Variants in SMC6 observed in about 807,000 individuals in gnomAD.
SMC6 encodes structural maintenance of chromosomes protein 6.
SMC6 carries 79 observed loss-of-function variants against 142.2 expected under a neutral mutation model. The ratio of observed to expected loss-of-function variants is 0.56; its 90% confidence interval spans 0.46 to 0.67. The LOEUF (loss-of-function observed/expected upper bound fraction) is 0.67, where lower values mean the gene tolerates loss of function less well. Among genes scored for constraint, SMC6 ranks in the 30% least tolerant of loss-of-function variants. The pLI, the probability that SMC6 is intolerant of heterozygous loss-of-function variation, is 0.00. For synonymous variants in SMC6, 411 were observed against 412.4 expected (o/e 1.00, Z 0.04); for missense variants, 1,072 against 1,284.0 (o/e 0.83, Z 2.52).
intron 17 of SMC6, among the ~76,000 whole-genome samples, chr2:17,707,999 C>T (rs4547532): frequency 2.0e-3 from 75 of 38,410 alleles, no homozygotes; most frequent in African/African-American, 0.016. Flanking sequence ...TATATATATA[C>T]ACACACACAC....
At chr2:17,673,035 TGA>T (rs1033194066) in intron 25 of SMC6, among the ~76,000 whole-genome samples, 21 of 152,294 alleles carry the variant, frequency 1.4e-4, no homozygotes, top group African/African-American at 5.1e-4. Flanking sequence ...AAGCAATATA[TGA>T]GAGTTGCAAT....
At chr2:17,707,457 C>T (rs1012993193) in intron 17 of SMC6, 78 bp from the exon 18 acceptor site, 9 of 839,176 alleles carry the variant, frequency 1.1e-5, no homozygotes, top group Non-Finnish European at 1.2e-5. Context: ...AAATGTTACT[C>T]GTCCTTATTA....
Position 17,738,238 on chromosome 2 carries a change from A to G in SMC6, c.327T>C (p.Phe109=). The G allele has an allele frequency of 1.2e-6, 2 of 1,612,886 alleles. No individual in the cohort carries two copies. The highest frequency in any genetic ancestry group is 1.7e-6 in the Non-Finnish European group (2 of 1,179,456). The change falls in exon 5 of 28, where the codon TTT becomes TTC. Residue 109 remains phenylalanine, a synonymous_variant. Coordinates refer to ENST00000448223, the MANE Select transcript of SMC6 (RefSeq NM_001142286.2). The part of the protein sequence containing the change: ...ATNRGSSLKG[F]VKDGQNSADI... ...ACACTTACTTCTGTCCATCTTTCAC[A>G]AAACCTTTTAAAGAGGATCCTCTAT...
In SMC6 at chr2:17,731,822, T is replaced by C; in HGVS notation, c.400A>G (p.Ser134Gly). 1 of 1,613,838 alleles carries C rather than the reference T, an allele frequency of 6.2e-7. No individual in the cohort carries two copies. Among genetic ancestry groups the C allele is most frequent in the Non-Finnish European group, 8.5e-7 (1 of 1,179,836 alleles). Residue 134 changes from serine to glycine, a missense_variant, in exon 6 of 28, where the codon AGT becomes GGT. Ser to Gly is a moderately conservative substitution (Grantham distance 56). This residue lies in a region of SMC6 where 994 missense variants were observed against 1,153.2 expected (regional missense o/e 0.86). Transcript: ENST00000448223. ...RNRGDDAFKASVYGNSILIQQ... is the reference protein window; with the variant it reads ...RNRGDDAFKAGVYGNSILIQQ... ...ATAAGTATAGAGTTACCATACACAC[T>C]GGCTTTAAAGGCATCATCTCCTCTG...
Position 17,731,126 on chromosome 2 carries a change from G to A in SMC6, c.495C>T (p.Ser165=). ...TTGCAATCAGCTCTTCTTTCCTCGT[G>A]GAAACCACGGAGCCTAGTTATAAGA... ...KLKSATGSVV[S]TRKEELIAIL... is the part of the protein sequence containing the mutation. The change falls in exon 7 of 28, where the codon TCC becomes TCT. Residue 165 remains serine, a synonymous_variant. Transcript: ENST00000448223. 1.2e-6 allele frequency: 2 copies of A among 1,611,006 alleles called. No individual in the cohort carries two copies. Among genetic ancestry groups the A allele is most frequent in the Non-Finnish European group, 1.7e-6 (2 of 1,178,294 alleles).
intron 25 of SMC6, among the ~76,000 whole-genome samples, chr2:17,671,359 T>C (rs1666748900): frequency 1.1e-5 from 1 of 87,066 alleles, no homozygotes; most frequent in South Asian, 4.8e-4. Context: ...ATTTAAAGGA[T>C]TGCTTTAGGA....
In SMC6 at chr2:17,705,797, G is replaced by GT. The variant is rs753184218; in HGVS notation, c.2006+1421dup. On this transcript the variant is annotated intron_variant, in intron 18 of 27. Transcript: ENST00000448223. ...CATTTTCATACAGTGTTCCTCCTTA[G>GT]TTTTTTTTACTGAGTTTTTACATAG... is the stretch of plus-strand genomic sequence containing the variant. Among the ~76,000 whole-genome samples the GT allele has an allele frequency of 4.4e-4, 67 of 151,782 alleles. 1 individual carries two copies. The East Asian group carries it at 8.3e-3, about 19-fold the overall frequency.
intron 2 of SMC6, among the ~76,000 whole-genome samples, chr2:17,749,795 T>A (rs2125094664): frequency 6.6e-6 from 1 of 152,336 alleles, no homozygotes; most frequent in South Asian, 2.1e-4. Context: ...TTATTAAGTA[T>A]ATAATAATTC....
Position 17,716,133 on chromosome 2 carries a change from T to A in SMC6, c.1478A>T (p.Asp493Val), listed in dbSNP as rs778921110. 1.9e-6 allele frequency: 3 copies of A among 1,608,008 alleles called. No homozygotes were observed. The South Asian group carries it at 3.3e-5, about 18-fold the overall frequency. Residue 493 changes from aspartate to valine, a missense_variant, in exon 15 of 28, where the codon GAT becomes GTT. By Grantham distance (152) the Asp-to-Val change is radical. Coordinates refer to ENST00000448223, the MANE Select transcript of SMC6 (RefSeq NM_001142286.2). ...NVPALLEAID[D>V]AYRQGHFTYK... ...GGTAAAATGTCCTTGTCTATAAGCATCATCTATGGCTTCAAGAAGAGCTGG... is the reference window on the plus strand; with the variant it reads ...GGTAAAATGTCCTTGTCTATAAGCAACATCTATGGCTTCAAGAAGAGCTGG...
chr2:17,723,451 T>A (rs1197796755), intron 9 of SMC6, among the ~76,000 whole-genome samples: 1 of 152,230 alleles, frequency 6.6e-6, no homozygotes, highest in East Asian at 1.9e-4. Context: ...CTAGCCAATC[T>A]GGAATTCTTC....
chr2:17,709,460 G>C (rs1054004079), intron 16 of SMC6, among the ~76,000 whole-genome samples: 1 of 152,138 alleles, frequency 6.6e-6, no homozygotes, highest in African/African-American at 2.4e-5. Context: ...AACATACTAA[G>C]AATAGGAGGT....
chr2:17,697,703 T>C (rs147946467), intron 21 of SMC6, among the ~76,000 whole-genome samples: 91 of 152,150 alleles, frequency 6.0e-4, no homozygotes, highest in African/African-American at 1.6e-3. Flanking sequence ...ATAACCAGTG[T>C]TGATAAGGAT....
chr2:17,704,092 G>A (rs1400097495), intron 18 of SMC6, among the ~76,000 whole-genome samples: 1 of 150,098 alleles, frequency 6.7e-6, no homozygotes, highest in Non-Finnish European at 1.5e-5. Context: ...GAATTAAGAT[G>A]TAACTCCAAA....
At chr2:17,720,145 T>G (rs1186483435) in intron 11 of SMC6, among the ~76,000 whole-genome samples, 1 of 152,194 alleles carries the variant, frequency 6.6e-6, no homozygotes, top group Non-Finnish European at 1.5e-5. Flanking sequence ...CCCAGTGAAT[T>G]ATACACTTTA....
At chr2:17,738,470 C>T (rs1670266494) in intron 4 of SMC6, 144 bp from the exon 5 acceptor site, 3 of 509,624 alleles carry the variant, frequency 5.9e-6, no homozygotes, top group South Asian at 6.7e-5. Flanking sequence ...TCTTCCCGTG[C>T]AAAGCAACAA....
In SMC6 at chr2:17,696,600, A is replaced by C. The variant is rs569817464; in HGVS notation, c.2395-174T>G. Among the ~76,000 whole-genome samples the C allele has an allele frequency of 9.2e-5, 14 of 152,206 alleles. No homozygotes were observed. The South Asian group carries it at 2.9e-3, about 32-fold the overall frequency. On this transcript the variant is annotated intron_variant, in intron 21 of 27. Transcript: ENST00000448223. ...GGAGTTTCCCAAATTAGGAAGTCAC[A>C]TTAAATTCAAATTCTTATCTGAATT...
chr2:17,667,692 A>C (rs2555108), intron 26 of SMC6, among the ~76,000 whole-genome samples: 1 of 151,990 alleles, frequency 6.6e-6, no homozygotes, highest in South Asian at 2.1e-4. Context: ...TCTACAAAAA[A>C]TACAAAAATT....
chr2:17,671,752 C>A (rs1247378520), intron 25 of SMC6, among the ~76,000 whole-genome samples: 1 of 151,002 alleles, frequency 6.6e-6, no homozygotes, highest in Non-Finnish European at 1.5e-5. Context: ...AAATAAAGGT[C>A]CATGGAAACA....
At chr2:17,702,696 C>A (rs1461751229) in intron 19 of SMC6, among the ~76,000 whole-genome samples, 9 of 152,052 alleles carry the variant, frequency 5.9e-5, no homozygotes, top group Non-Finnish European at 4.4e-5. Flanking sequence ...GGCAGCTTCC[C>A]CCCTACTGTT....
Sources: gnomAD v4.1 joint callset for allele counts (sites outside exome capture counted in the v4.1 genomes callset) on GRCh38, gnomAD v4.1.1 for gene constraint, gnomAD v4.1.1 regional missense constraint, MANE v1.5 for transcripts, NCBI Gene and HGNC (gene_info 2026-07-23, HGNC 2026-07-21) for gene names.